Variants in SLC10A7 observed in about 807,000 individuals in gnomAD.
SLC10A7 encodes the protein solute carrier family 10 member 7, also known as sodium/bile acid cotransporter 7.
A neutral mutation model predicts 43.2 loss-of-function variants in SLC10A7; 29 were observed. That is an observed-to-expected ratio of 0.67 (90% CI 0.50 to 0.92). The LOEUF is 0.92. Among genes scored for constraint, SLC10A7 ranks in the 40% least tolerant of loss-of-function variants. The pLI, the probability that SLC10A7 is intolerant of heterozygous loss-of-function variation, is 0.00. For missense variants in SLC10A7, 295 were observed against 403.2 expected (o/e 0.73, Z 2.30); for synonymous variants, 152 against 144.8 (o/e 1.05, Z -0.35).
intron 5 of SLC10A7, among the ~76,000 whole-genome samples, chr4:146,415,285 C>T (rs1305461782): frequency 6.6e-6 from 1 of 152,172 alleles, no homozygotes; most frequent in Non-Finnish European, 1.5e-5. Flanking sequence ...GAACTGGATT[C>T]TGGCTGTGGT....
chr4:146,271,883 T>C (rs1431571734), intron 10 of SLC10A7, among the ~76,000 whole-genome samples: 1 of 152,148 alleles, frequency 6.6e-6, no homozygotes, highest in Non-Finnish European at 1.5e-5. Flanking sequence ...TTGCTCCCTA[T>C]TTCCTTCAGG....
At chr4:146,476,196 C>T (rs1449109358) in intron 4 of SLC10A7, among the ~76,000 whole-genome samples, 1 of 152,046 alleles carries the variant, frequency 6.6e-6, no homozygotes, top group Non-Finnish European at 1.5e-5. Context: ...GAGTAGCAAC[C>T]AGAAAACTAA....
At chr4:146,378,753 G>C (rs1737389445) in intron 5 of SLC10A7, among the ~76,000 whole-genome samples, 1 of 152,146 alleles carries the variant, frequency 6.6e-6, no homozygotes. Context: ...TAACAAAGTG[G>C]TTCTTGAATT....
At position 146,426,943 on chromosome 4, in the gene SLC10A7, C is replaced by T. The variant is rs184515517; in HGVS notation, c.435+15840G>A. Among the ~76,000 whole-genome samples, 514 of 152,192 alleles carry T rather than the reference C, an allele frequency of 3.4e-3. 2 individuals are homozygous for T. Among genetic ancestry groups the T allele is most frequent in the Non-Finnish European group, 5.4e-3 (366 of 68,014 alleles). ...TTGGTGACTCACTATTTAGCAGTCT[C>T]GTAGAGAAATGAACAGTCAGGGACA... On this transcript the variant is annotated intron_variant, in intron 5 of 11. Transcript: ENST00000335472.
intron 4 of SLC10A7, among the ~76,000 whole-genome samples, chr4:146,501,547 G>A (rs1736419885): frequency 6.6e-6 from 1 of 152,200 alleles, no homozygotes; most frequent in African/African-American, 2.4e-5. Flanking sequence ...AAGTGAAAAT[G>A]TTGTGTGTTC....
In SLC10A7 at chr4:146,283,554, A is replaced by G. The variant is rs1019136538; in HGVS notation, c.774-289T>C. On this transcript the variant is annotated intron_variant, in intron 9 of 11. Transcript: ENST00000335472. ...CAGGACTGATTATAAAAATAATGCA[A>G]CAAGGAACTCTAAGTCTCTAGGTTA... Among the ~76,000 whole-genome samples, 4 of 152,148 alleles carry G rather than the reference A, an allele frequency of 2.6e-5. No homozygotes were observed. In the East Asian group the frequency reaches 7.7e-4, roughly 29 times the overall value.
At chr4:146,471,669 T>C (rs1733584663) in intron 4 of SLC10A7, among the ~76,000 whole-genome samples, 1 of 152,250 alleles carries the variant, frequency 6.6e-6, no homozygotes. Context: ...AAGCATTTAA[T>C]GAGTAGTTAC....
intron 4 of SLC10A7, among the ~76,000 whole-genome samples, chr4:146,473,192 G>T (rs1020036966): frequency 6.6e-6 from 1 of 152,176 alleles, no homozygotes; most frequent in Non-Finnish European, 1.5e-5. Flanking sequence ...AATAAGAAAA[G>T]TTGTGGACAG....
intron 5 of SLC10A7, among the ~76,000 whole-genome samples, chr4:146,361,486 C>T (rs1006631476): frequency 5.3e-5 from 8 of 152,102 alleles, no homozygotes; most frequent in African/African-American, 1.9e-4. Flanking sequence ...GGTCATTTAT[C>T]TAGAAGGCTG....
Position 146,274,137 on chromosome 4 carries a change from T to C in SLC10A7, c.847+9055A>G, listed in dbSNP as rs1039522600. 2.6e-5 allele frequency among the ~76,000 whole-genome samples: 4 copies of C among 152,056 alleles called. No homozygotes were observed. The East Asian group carries it at 7.7e-4, about 29-fold the overall frequency. On this transcript the variant is annotated intron_variant, in intron 10 of 11. Coordinates refer to ENST00000335472, the MANE Select transcript of SLC10A7 (RefSeq NM_001029998.6). ...CATGATCTTAAAGAAAGCAAGCTGC[T>C]TCTGGAGGGAGTGCTAGGTATTTTG... is the stretch of plus-strand genomic sequence containing the variant.
chr4:146,372,547 T>C (rs1161171740), intron 5 of SLC10A7, among the ~76,000 whole-genome samples: 1 of 151,862 alleles, frequency 6.6e-6, no homozygotes, highest in Non-Finnish European at 1.5e-5. Flanking sequence ...GTCAGGTCAA[T>C]ATGTTTTACT....
intron 5 of SLC10A7, among the ~76,000 whole-genome samples, chr4:146,378,137 C>T (rs979303931): frequency 6.6e-6 from 1 of 152,152 alleles, no homozygotes; most frequent in Non-Finnish European, 1.5e-5. Context: ...CAGAGGGAGG[C>T]ATGAGGTCTA....
intron 4 of SLC10A7, among the ~76,000 whole-genome samples, chr4:146,485,942 T>C (rs1288743372): frequency 6.6e-6 from 1 of 152,028 alleles, no homozygotes; most frequent in Non-Finnish European, 1.5e-5. Flanking sequence ...GGTGTGAATT[T>C]TAAAAATATA....
chr4:146,324,608 C>T (rs183007229), intron 6 of SLC10A7, among the ~76,000 whole-genome samples: 42 of 152,278 alleles, frequency 2.8e-4, no homozygotes, highest in Non-Finnish European at 5.1e-4. Context: ...CCTTGACCTA[C>T]TGCAAGTGGG....
chr4:146,406,420 GCA>G (rs751458457), intron 5 of SLC10A7, among the ~76,000 whole-genome samples: 13 of 152,034 alleles, frequency 8.6e-5, no homozygotes, highest in Admixed American at 6.6e-4. Context: ...TTTAGCTTAG[GCA>G]CTCCATCTAT....
intron 2 of SLC10A7, chr4:146,514,743 A>C (rs1000982130): frequency 5.6e-6 from 1 of 178,066 alleles, no homozygotes; most frequent in African/African-American, 2.4e-5. Flanking sequence ...CGTAATCCCC[A>C]CTGAAATGAA....
intron 5 of SLC10A7, among the ~76,000 whole-genome samples, chr4:146,375,333 A>T (rs930387158): frequency 5.3e-5 from 8 of 152,204 alleles, no homozygotes; most frequent in African/African-American, 1.9e-4. Context: ...TTGTAGGAAC[A>T]TCACCTTTGA....
chr4:146,517,767 C>T (rs377673422), intron 1 of SLC10A7, among the ~76,000 whole-genome samples: 2 of 152,006 alleles, frequency 1.3e-5, no homozygotes. Flanking sequence ...TCAAAATACC[C>T]CCGAGCCCAA....
intron 7 of SLC10A7, among the ~76,000 whole-genome samples, chr4:146,304,708 G>A (rs1358853337): frequency 6.6e-6 from 1 of 152,036 alleles, no homozygotes; most frequent in Non-Finnish European, 1.5e-5. Context: ...GTGTGGTGCT[G>A]AAAAAAATGT....
Sources: allele counts gnomAD v4.1 joint callset (sites outside exome capture counted in the v4.1 genomes callset), GRCh38; gene constraint gnomAD v4.1.1; transcripts MANE v1.5; gene names NCBI Gene and HGNC (gene_info 2026-07-23, HGNC 2026-07-21).